Variants in PCCA observed in about 807,000 individuals in gnomAD.
PCCA encodes the protein propionyl-CoA carboxylase alpha chain, mitochondrial.
Under a neutral mutation model 101.3 loss-of-function variants are expected in PCCA, and 74 were observed. That is an observed-to-expected ratio of 0.73 (90% CI 0.61 to 0.89). PCCA has a LOEUF of 0.89. Among genes scored for constraint, PCCA ranks in the 40% least tolerant of loss-of-function variants. The probability of loss-of-function intolerance (pLI) is 0.00; values close to 1 mark genes in which losing one functional copy is unlikely to be tolerated. For missense variants in PCCA, 891 were observed against 907.0 expected (o/e 0.98, Z 0.23); for synonymous variants, 294 against 313.6 (o/e 0.94, Z 0.66).
At chr13:100,512,844 AATGCCCACGGTG>A (rs1452340476) in intron 21 of PCCA, among the ~76,000 whole-genome samples, 18 of 152,244 alleles carry the variant, frequency 1.2e-4, no homozygotes, top group Admixed American at 6.5e-4. Context: ...GGAATAGTTA[AATGCCCACGGTG>A]AAACCGAGCT....
rs1405753513 is a variant in PCCA at position 100,463,334 on chromosome 13, TG to T, written c.1899+14031del. ...TCAGAGGTGGTTGGTTTTATTGGTG[TG>T]GTTTTTTTTTTTTTTTTTTTTTTTG... On this transcript the variant is annotated intron_variant, in intron 21 of 23. Transcript: ENST00000376285. Among the ~76,000 whole-genome samples the T allele has an allele frequency of 5.7e-5, 7 of 121,764 alleles. No homozygotes were observed. In the East Asian group the frequency reaches 2.0e-3, roughly 35 times the overall value. The allele number at this position is 121,764 out of a possible 152,430, so 79.9% of individuals were successfully genotyped here.
intron 21 of PCCA, among the ~76,000 whole-genome samples, chr13:100,496,055 G>A (rs9585452): frequency 0.34 from 51,595 of 151,924 alleles, 9,350 homozygotes; most frequent in East Asian, 0.57. Flanking sequence ...ATTGCTAACA[G>A]TTCTTAAGTG....
chr13:100,423,592 C>G (rs1475465954), intron 19 of PCCA, among the ~76,000 whole-genome samples: 2 of 152,154 alleles, frequency 1.3e-5, no homozygotes, highest in East Asian at 3.9e-4. Flanking sequence ...TTGCAAATTT[C>G]TACTCATGAC....
At position 100,342,479 on chromosome 13, in the gene PCCA, G is replaced by A. The variant is rs188912059; in HGVS notation, c.1643+2220G>A. Among the ~76,000 whole-genome samples, 510 of 151,876 alleles carry A rather than the reference G, an allele frequency of 3.4e-3. 4 individuals are homozygous for A. The highest frequency in any genetic ancestry group is 0.012 in the African/African-American group (492 of 41,454). The stretch of plus-strand genomic sequence containing the variant: ...GATGGGGTTTCACCATGTTGGCCAG[G>A]CTGGTCTTGAACTCCTGACCTCAGG... On this transcript the variant is annotated intron_variant, in intron 18 of 23. Coordinates refer to ENST00000376285, the MANE Select transcript of PCCA (RefSeq NM_000282.4).
intron 12 of PCCA, among the ~76,000 whole-genome samples, chr13:100,291,567 T>A (rs2065126512): frequency 6.6e-6 from 1 of 152,234 alleles, no homozygotes; most frequent in South Asian, 2.1e-4. Flanking sequence ...TTATTCTGAA[T>A]GTTTTTTCTT....
chr13:100,449,147 A>G (rs537024680), intron 20 of PCCA, 105 bp from the exon 21 acceptor site: 8 of 646,188 alleles, frequency 1.2e-5, no homozygotes, highest in South Asian at 8.0e-5. Flanking sequence ...TATTTTGTTT[A>G]CCCATCCATC....
At chr13:100,283,129 C>T (rs1226668326) in intron 12 of PCCA, among the ~76,000 whole-genome samples, 2 of 152,110 alleles carry the variant, frequency 1.3e-5, no homozygotes, top group African/African-American at 4.8e-5. Context: ...TAGGGCAAAC[C>T]TTCGACCTCG....
chr13:100,321,895 T>C (rs138582224), intron 16 of PCCA, among the ~76,000 whole-genome samples: 1 of 152,144 alleles, frequency 6.6e-6, no homozygotes, highest in East Asian at 1.9e-4. Context: ...TGGTCTAGTA[T>C]AAAAGGATGC....
chr13:100,286,831 T>C (rs917821218), intron 12 of PCCA, among the ~76,000 whole-genome samples: 4 of 152,052 alleles, frequency 2.6e-5, no homozygotes, highest in African/African-American at 9.7e-5. Context: ...TATTTTTCCT[T>C]ATCTATTGCC....
intron 4 of PCCA, among the ~76,000 whole-genome samples, chr13:100,151,796 A>C (rs2053359928): frequency 1.3e-5 from 2 of 152,100 alleles, no homozygotes; most frequent in Non-Finnish European, 2.9e-5. Context: ...TGCTTAGTTG[A>C]TTAGTGTACC....
At position 100,146,464 on chromosome 13, in the gene PCCA, A is replaced by G. The variant is rs182327929; in HGVS notation, c.301-8515A>G. On this transcript the variant is annotated intron_variant, in intron 4 of 23. Transcript: ENST00000376285. The stretch of plus-strand genomic sequence containing the variant: ...GTGGCACATGCCTGTAATCCCAGCT[A>G]CTCAGGAGGCTGAGGCAGGAGAATC... Among the ~76,000 whole-genome samples the G allele has an allele frequency of 2.7e-3, 409 of 151,710 alleles. 5 individuals carry two copies. Among genetic ancestry groups the G allele is most frequent in the African/African-American group, 9.3e-3 (385 of 41,358 alleles).
chr13:100,193,607 T>A (rs1045130903), intron 6 of PCCA, among the ~76,000 whole-genome samples: 4 of 152,230 alleles, frequency 2.6e-5, no homozygotes, highest in African/African-American at 9.6e-5. Context: ...AATTCATTTT[T>A]AAACTTAGAA....
intron 21 of PCCA, among the ~76,000 whole-genome samples, chr13:100,453,393 A>C (rs79084744): frequency 0.043 from 6,546 of 151,802 alleles, 499 homozygotes; most frequent in African/African-American, 0.15. Flanking sequence ...CCCAGCTACT[A>C]CAGGAGGCTG....
chr13:100,507,355 C>T (rs952955416), intron 21 of PCCA, among the ~76,000 whole-genome samples: 2 of 152,200 alleles, frequency 1.3e-5, no homozygotes, highest in African/African-American at 4.8e-5. Context: ...ATGGGCACAC[C>T]TGCACACATG....
At chr13:100,122,186 A>G (rs1255020393) in intron 4 of PCCA, among the ~76,000 whole-genome samples, 1 of 152,146 alleles carries the variant, frequency 6.6e-6, no homozygotes, top group African/African-American at 2.4e-5. Flanking sequence ...ACCAGCCTTG[A>G]ATTCCTGAGA....
At chr13:100,491,771 T>C in intron 21 of PCCA, 1 of 1,186,082 alleles carries the variant, frequency 8.4e-7, no homozygotes, top group Non-Finnish European at 1.1e-6. Context: ...CTTTTGGATT[T>C]GTAACACTTT....
chr13:100,134,893 A>C, intron 4 of PCCA, among the ~76,000 whole-genome samples: 1 of 149,568 alleles, frequency 6.7e-6, no homozygotes, highest in Middle Eastern at 4.0e-3. Flanking sequence ...CAATATGCAG[A>C]TCCTGCACAT....
intron 19 of PCCA, among the ~76,000 whole-genome samples, chr13:100,404,992 G>C (rs760033086): frequency 6.6e-6 from 1 of 151,986 alleles, no homozygotes; most frequent in Non-Finnish European, 1.5e-5. Flanking sequence ...GAATTGAGTC[G>C]GGAACACAAA....
chr13:100,209,369 A>G lies in PCCA; in HGVS notation c.506A>G (p.His169Arg), dbSNP rs752331438. The G allele has an allele frequency of 2.5e-6, 4 of 1,613,334 alleles. No individual in the cohort carries two copies. The highest frequency in any genetic ancestry group is 3.4e-6 in the Non-Finnish European group (4 of 1,179,288). The change falls in exon 7 of 24, where the codon CAT (histidine) becomes CGT (arginine). Residue 169 changes from histidine to arginine, a missense_variant. Physicochemically the swap from His to Arg is conservative, Grantham distance 29. Coordinates refer to ENST00000376285, the MANE Select transcript of PCCA (RefSeq NM_000282.4). ...GTCGTTTTCATTGGACCTGACACAC[A>G]TGCTATTCAAGCCATGGGCGACAAG... ...EDVVFIGPDTHAIQAMGDKIE... is the reference protein window; with the variant it reads ...EDVVFIGPDTRAIQAMGDKIE...
Sources: gnomAD v4.1 joint callset for allele counts (sites outside exome capture counted in the v4.1 genomes callset) on GRCh38, gnomAD v4.1.1 for gene constraint, MANE v1.5 for transcripts, NCBI Gene and HGNC (gene_info 2026-07-23, HGNC 2026-07-21) for gene names.